The following TMEM178B variants were observed in gnomAD, a reference collection of about 807,000 sequenced individuals.
The protein encoded by TMEM178B is transmembrane protein 178B.
In TMEM178B, 5 loss-of-function variants were observed where a neutral mutation model predicts 31.0. That is an observed-to-expected ratio of 0.16 (90% CI 0.08 to 0.34). The LOEUF (loss-of-function observed/expected upper bound fraction) is 0.34. Ranked by LOEUF, TMEM178B falls within the 10% of genes least tolerant of loss-of-function variation. The pLI, the probability that TMEM178B is intolerant of heterozygous loss-of-function variation, is 1.00. For missense variants in TMEM178B, 275 were observed against 400.3 expected, an observed-to-expected ratio of 0.69 and a Z score of 2.67; for synonymous variants, 164 against 164.0, an observed-to-expected ratio of 1.00 and a Z score of 0.00.
At chr7:141,359,902 A>G (rs1799888630) in intron 2 of TMEM178B, among the ~76,000 whole-genome samples, 2 of 152,344 alleles carry the variant, frequency 1.3e-5, no homozygotes, top group African/African-American at 2.4e-5. Flanking sequence ...CATGTCTTAC[A>G]TGGTGGCTGG....
intron 2 of TMEM178B, among the ~76,000 whole-genome samples, chr7:141,365,713 G>A (rs1421468276): frequency 6.6e-6 from 1 of 152,206 alleles, no homozygotes; most frequent in Non-Finnish European, 1.5e-5. Flanking sequence ...CATTCTGTCT[G>A]CAGGTGTCTG....
intron 3 of TMEM178B, among the ~76,000 whole-genome samples, chr7:141,457,422 A>G (rs1461732968): frequency 2.6e-5 from 4 of 152,148 alleles, no homozygotes; most frequent in African/African-American, 9.7e-5. Flanking sequence ...ACATGTGTAG[A>G]TCTGTATAAT....
intron 2 of TMEM178B, among the ~76,000 whole-genome samples, chr7:141,374,164 CT>C (rs1800169296): frequency 6.6e-6 from 1 of 152,152 alleles, no homozygotes; most frequent in South Asian, 2.1e-4. Flanking sequence ...GGAGCAGCTC[CT>C]TCTTCATAGC....
chr7:141,287,093 G>A (rs534474650), intron 2 of TMEM178B, among the ~76,000 whole-genome samples: 83 of 151,106 alleles, frequency 5.5e-4, no homozygotes, highest in Admixed American at 3.2e-3. Context: ...CTGTTTTTTC[G>A]CCCTCCTTCC....
At position 141,344,569 on chromosome 7, in the gene TMEM178B, CTCCTCCCTTCCTTCCTTCCT is replaced by C. The variant is rs1472069445; in HGVS notation, c.497-93034_497-93015del. Among the ~76,000 whole-genome samples, 3 of 142,214 alleles carry C rather than the reference CTCCTCCCTTCCTTCCTTCCT, an allele frequency of 2.1e-5. No homozygotes were observed. Among genetic ancestry groups the C allele is most frequent in the African/African-American group, 5.4e-5 (2 of 37,318 alleles). The allele number at this position is 142,214 out of a possible 152,430, so 93.3% of individuals were successfully genotyped here. A position where few individuals can be genotyped will look rare whatever the true frequency, so the allele number is the denominator to read the frequency against. On this transcript the variant is annotated intron_variant, in intron 2 of 3. Coordinates refer to ENST00000565468, the MANE Select transcript of TMEM178B (RefSeq NM_001195278.2). The surrounding 1 kb of genome is among the most constrained non-coding windows in gnomAD (Gnocchi z 4.1). Reference sequence around the variant, plus strand: ...TCTCCCTCCCTCCCTCCATTCCTCCCTCCTCCCTTCCTTCCTTCCTTCCTTCCTTCCTTCCTTCCTTCCTT... The same window carrying C: ...TCTCCCTCCCTCCCTCCATTCCTCCCTCCTTCCTTCCTTCCTTCCTTCCTT...
At chr7:141,086,649 A>G (rs1794793054) in intron 1 of TMEM178B, among the ~76,000 whole-genome samples, 1 of 152,202 alleles carries the variant, frequency 6.6e-6, no homozygotes. Flanking sequence ...AGGGAAAGAA[A>G]TGGAATTGGA....
intron 2 of TMEM178B, among the ~76,000 whole-genome samples, chr7:141,302,259 A>G (rs1163982072): frequency 6.6e-6 from 1 of 152,252 alleles, no homozygotes; most frequent in African/African-American, 2.4e-5. Context: ...CAGTCTTAAA[A>G]AGGAAGGAAA....
In TMEM178B at chr7:141,344,570, T is replaced by TC. The variant is rs1799575905; in HGVS notation, c.497-93036dup. ...CTCCCTCCCTCCCTCCATTCCTCCC[T>TC]CCTCCCTTCCTTCCTTCCTTCCTTC... On this transcript the variant is annotated intron_variant, in intron 2 of 3. Transcript: ENST00000565468. This position sits in a 1 kb window ranked among gnomAD's most constrained non-coding sequence, Gnocchi z 4.1. Among the ~76,000 whole-genome samples, 2 of 137,052 alleles carry TC rather than the reference T, an allele frequency of 1.5e-5. No homozygotes were observed. The highest frequency in any genetic ancestry group is 2.8e-5 in the African/African-American group (1 of 35,970). 89.9% of individuals were successfully genotyped at this position (137,052 alleles called of 152,430 possible). A position where few individuals can be genotyped will look rare whatever the true frequency, so the allele number is the denominator to read the frequency against.
chr7:141,147,564 T>G lies in TMEM178B; in HGVS notation c.383-65027T>G, dbSNP rs117227389. ...AAATCAAGGCAAGCGATGAAGAGGG[T>G]TGTGATGGAAGCAATGGAGAGGAGG... is the stretch of plus-strand genomic sequence containing the variant. On this transcript the variant is annotated intron_variant, in intron 1 of 3. Coordinates refer to ENST00000565468, the MANE Select transcript of TMEM178B (RefSeq NM_001195278.2). Among the ~76,000 whole-genome samples, 579 of 151,818 alleles carry G rather than the reference T, an allele frequency of 3.8e-3. 5 individuals are homozygous for G. The highest frequency in any genetic ancestry group is 0.011 in the African/African-American group (454 of 41,378).
chr7:141,325,230 C>G lies in TMEM178B; in HGVS notation c.497-112378C>G, dbSNP rs6948046. On this transcript the variant is annotated intron_variant, in intron 2 of 3. Coordinates refer to ENST00000565468, the MANE Select transcript of TMEM178B (RefSeq NM_001195278.2). The stretch of plus-strand genomic sequence containing the variant: ...TAATATAAAGATGGAGAAAAGGAAC[C>G]TAGACATGCATCTTTGTGAAGCAGA... Among the ~76,000 whole-genome samples the G allele has an allele frequency of 1.9e-3, 282 of 152,216 alleles. 2 individuals carry two copies. Among genetic ancestry groups the G allele is most frequent in the African/African-American group, 6.5e-3 (268 of 41,536 alleles).
At chr7:141,298,888 T>A (rs1326807462) in intron 2 of TMEM178B, among the ~76,000 whole-genome samples, 1 of 152,222 alleles carries the variant, frequency 6.6e-6, no homozygotes, top group Non-Finnish European at 1.5e-5. Context: ...TATGGAGAGA[T>A]CACCTCATTT....
intron 1 of TMEM178B, among the ~76,000 whole-genome samples, chr7:141,159,640 C>T (rs572147849): frequency 4.6e-5 from 7 of 152,284 alleles, no homozygotes; most frequent in East Asian, 1.9e-4. Context: ...GAAATTCTGA[C>T]GCACGCTACA....
At chr7:141,509,557 G>A in the TMEM178B span, among the ~76,000 whole-genome samples, 3 of 152,202 alleles carry the variant, frequency 2.0e-5, no homozygotes, top group Non-Finnish European at 4.4e-5. Context: ...GGCTGAGGTA[G>A]CAGAATCGCA....
chr7:141,316,218 G>C (rs966555408), intron 2 of TMEM178B, among the ~76,000 whole-genome samples: 1 of 152,170 alleles, frequency 6.6e-6, no homozygotes, highest in Admixed American at 6.5e-5. Flanking sequence ...TGGCTGGCTG[G>C]TGGGGCTGGG....
chr7:141,344,378 C>G lies in TMEM178B; in HGVS notation c.497-93230C>G, dbSNP rs1450948712. On this transcript the variant is annotated intron_variant, in intron 2 of 3. Transcript: ENST00000565468. This position sits in a 1 kb window ranked among gnomAD's most constrained non-coding sequence, Gnocchi z 4.1. ...GCTCAGAACCCCTGGTCCGATAGCCCTTCAGTCACTGAACTTCATCAGATG... is the reference window on the plus strand; with the variant it reads ...GCTCAGAACCCCTGGTCCGATAGCCGTTCAGTCACTGAACTTCATCAGATG... Among the ~76,000 whole-genome samples, 1 of 152,192 alleles carries G rather than the reference C, an allele frequency of 6.6e-6. No homozygotes were observed. Among genetic ancestry groups the G allele is most frequent in the Admixed American group, 6.5e-5 (1 of 15,282 alleles).
At chr7:141,152,195 T>C (rs1795986806) in intron 1 of TMEM178B, among the ~76,000 whole-genome samples, 1 of 152,168 alleles carries the variant, frequency 6.6e-6, no homozygotes, top group African/African-American at 2.4e-5. Context: ...GCAGGCTGAC[T>C]GAGCCCCACA....
At chr7:141,356,793 T>G (rs560430292) in intron 2 of TMEM178B, among the ~76,000 whole-genome samples, 1 of 151,940 alleles carries the variant, frequency 6.6e-6, no homozygotes, top group South Asian at 2.1e-4. Flanking sequence ...CCTTTGAATC[T>G]TGCTACCCTT....
chr7:141,160,500 A>G (rs1796151859), intron 1 of TMEM178B, among the ~76,000 whole-genome samples: 1 of 152,050 alleles, frequency 6.6e-6, no homozygotes. Context: ...TGGCCTTGCT[A>G]GTGTCGTCAT....
rs1758904720 is a variant in TMEM178B, at chr7:141,476,708, C to A, written c.*5922C>A. 1 of 152,142 alleles carries A rather than the reference C, an allele frequency of 6.6e-6. No individual in the cohort carries two copies. Among genetic ancestry groups the A allele is most frequent in the Non-Finnish European group, 1.5e-5 (1 of 68,040 alleles). The allele number at this position is 152,142 out of a possible 1,614,324, so 9.4% of individuals were successfully genotyped here. On this transcript the variant is annotated 3_prime_UTR_variant, in exon 4 of 4. Coordinates refer to ENST00000565468, the MANE Select transcript of TMEM178B (RefSeq NM_001195278.2). ...GATCCTGTTTGGGAAAAACAGAATC[C>A]TAGGTTCTAAACAAGAAAAGAACGC... is the stretch of plus-strand genomic sequence containing the variant.
Sources: gnomAD v4.1 joint callset for allele counts (sites outside exome capture counted in the v4.1 genomes callset) on GRCh38, gnomAD v4.1.1 for gene constraint, Gnocchi (gnomAD v3.1) non-coding constraint, MANE v1.5 for transcripts, NCBI Gene and HGNC (gene_info 2026-07-23, HGNC 2026-07-21) for gene names.